Variants in DAAM2 observed in about 807,000 individuals in gnomAD.
The protein encoded by DAAM2 is dishevelled associated activator of morphogenesis 2.
A neutral mutation model predicts 120.7 loss-of-function variants in DAAM2; 39 were observed. The observed-to-expected ratio is 0.32, with a 90% CI of 0.25 to 0.42. DAAM2 has a LOEUF of 0.42. DAAM2 is among the 10% of genes least tolerant of loss of function. The pLI, the probability that DAAM2 is intolerant of heterozygous loss-of-function variation, is 1.00. For synonymous variants in DAAM2, 488 were observed against 524.9 expected (o/e 0.93, Z 0.96); for missense variants, 1,283 against 1,401.7 (o/e 0.92, Z 1.35).
intron 15 of DAAM2, chr6:39,886,221 G>C (rs897547275): frequency 2.5e-6 from 1 of 393,096 alleles, no homozygotes; most frequent in East Asian, 3.6e-5. Context: ...TGGCTTCTCC[G>C]TGAGTGCATG....
chr6:39,866,701 C>T (rs1035590471), intron 5 of DAAM2, among the ~76,000 whole-genome samples: 2 of 152,182 alleles, frequency 1.3e-5, no homozygotes, highest in East Asian at 1.9e-4. Context: ...CCTTAAATAG[C>T]AAGAGCTAGC....
At chr6:39,886,096 G>A (rs1253887710) in intron 15 of DAAM2, 1 of 280,846 alleles carries the variant, frequency 3.6e-6, no homozygotes, top group African/African-American at 2.2e-5. Context: ...CAGAGGAAAA[G>A]GAAGAACAGG....
chr6:39,901,598 TG>T lies in DAAM2; in HGVS notation c.2982+127del. ...ACTGAGGAACACCATAGGGGTTGGA[TG>T]TCAGCCCCAGGAGAGAGAAACTTCT... is the stretch of plus-strand genomic sequence containing the variant. On this transcript the variant is annotated intron_variant, in intron 24 of 24. Coordinates refer to ENST00000274867, the MANE Select transcript of DAAM2 (RefSeq NM_001201427.2). This position sits in a 1 kb window ranked among gnomAD's most constrained non-coding sequence, Gnocchi z 4.5. 1 of 1,143,826 alleles carries T rather than the reference TG, an allele frequency of 8.7e-7. No homozygotes were observed. Among genetic ancestry groups the T allele is most frequent in the Non-Finnish European group, 1.2e-6 (1 of 826,920 alleles). 70.9% of individuals were successfully genotyped at this position (1,143,826 alleles called of 1,614,324 possible).
chr6:39,881,644 C>T (rs372273377), intron 14 of DAAM2, among the ~76,000 whole-genome samples: 16 of 152,012 alleles, frequency 1.1e-4, no homozygotes, highest in East Asian at 9.7e-4. Context: ...ACCTGGGGGG[C>T]GGAGGTTGTA....
At position 39,829,990 on chromosome 6, in the gene DAAM2, A is replaced by G. The variant is rs144564836; in HGVS notation, c.-56-26257A>G. 5.3e-5 allele frequency among the ~76,000 whole-genome samples: 8 copies of G among 152,074 alleles called. No homozygotes were observed. In the East Asian group the frequency reaches 1.5e-3, roughly 29 times the overall value. ...ACGCTGAGTTAGAGACCCTTCATCCATACTCTCATCATTCCCTGTACAGCT... is the reference window on the plus strand; with the variant it reads ...ACGCTGAGTTAGAGACCCTTCATCCGTACTCTCATCATTCCCTGTACAGCT... On this transcript the variant is annotated intron_variant, in intron 1 of 24. Coordinates refer to ENST00000274867, the MANE Select transcript of DAAM2 (RefSeq NM_001201427.2).
intron 2 of DAAM2, among the ~76,000 whole-genome samples, chr6:39,857,811 G>A (rs563411201): frequency 6.6e-6 from 1 of 152,190 alleles, no homozygotes; most frequent in East Asian, 1.9e-4. Context: ...GAGACTGCTG[G>A]GTGCTGGGCT....
chr6:39,894,735 C>T (rs1249583619), intron 19 of DAAM2, among the ~76,000 whole-genome samples: 1 of 152,102 alleles, frequency 6.6e-6, no homozygotes, highest in Non-Finnish European at 1.5e-5. Context: ...ATCCTCCCAT[C>T]TCAGCCTCCC....
intron 17 of DAAM2, among the ~76,000 whole-genome samples, chr6:39,889,496 A>T (rs1765570208): frequency 6.6e-6 from 1 of 152,178 alleles, no homozygotes; most frequent in Non-Finnish European, 1.5e-5. Context: ...TTGGAAGTAC[A>T]CTCTACAGCT....
intron 14 of DAAM2, among the ~76,000 whole-genome samples, chr6:39,881,522 G>T (rs1765118419): frequency 6.6e-6 from 1 of 152,018 alleles, no homozygotes. Flanking sequence ...TTTGAGACCA[G>T]CCTGGCCAAC....
intron 11 of DAAM2, 126 bp downstream of exon 11, chr6:39,875,594 C>G: frequency 8.7e-7 from 1 of 1,145,636 alleles, no homozygotes; most frequent in Non-Finnish European, 1.2e-6. Context: ...TCTTGGGCAG[C>G]ATGGTCCAAC....
chr6:39,860,849 T>C (rs1764180367), intron 2 of DAAM2, 79 bp from the exon 3 acceptor site: 8 of 1,142,966 alleles, frequency 7.0e-6, no homozygotes, highest in Non-Finnish European at 1.0e-5. Flanking sequence ...TTGGGGGAAT[T>C]GTAATTTCCT....
chr6:39,870,438 G>T lies in DAAM2; in HGVS notation c.972G>T (p.Leu324=). The change falls in exon 8 of 25, where the codon CTG becomes CTT. Residue 324 remains leucine (L), a synonymous_variant. Coordinates refer to ENST00000274867, the MANE Select transcript of DAAM2 (RefSeq NM_001201427.2). ...TCCGGCAACATGAAAATGCCATCCT[G>T]GACAAGTAAGTTCCAAGCACCCGTC... ...DKLRQHENAI[L]DKHLDFFEMV... 6.4e-7 allele frequency: 1 copy of T among 1,566,090 alleles called. No individual in the cohort carries two copies. The highest frequency in any genetic ancestry group is 2.3e-5 in the East Asian group (1 of 42,854).
At chr6:39,868,049 T>C (rs1024054409) in intron 6 of DAAM2, 2 of 571,120 alleles carry the variant, frequency 3.5e-6, no homozygotes, top group Admixed American at 3.0e-5. Context: ...TTAAGAGTTA[T>C]GAGTTTGGCT....
rs760612191 is a variant in DAAM2, at chr6:39,901,917, C to T, written c.3087C>T (p.Ala1029=). ...GAGAGTTCGATGACCTGGTGTCGGCCCTGCGCTCTGGGGAGGTCTTCGACA... is the reference window on the plus strand; with the variant it reads ...GAGAGTTCGATGACCTGGTGTCGGCTCTGCGCTCTGGGGAGGTCTTCGACA... ...EGGEFDDLVS[A]LRSGEVFDKD... is the part of the protein sequence containing the mutation. The change falls in exon 25 of 25, where the codon GCC becomes GCT. Residue 1029 remains alanine (A), a synonymous_variant. Coordinates refer to ENST00000274867, the MANE Select transcript of DAAM2 (RefSeq NM_001201427.2). The surrounding 1 kb of genome is among the most constrained non-coding windows in gnomAD (Gnocchi z 4.5). 1 of 1,610,154 alleles carries T rather than the reference C, an allele frequency of 6.2e-7. No homozygotes were observed. Among genetic ancestry groups the T allele is most frequent in the Non-Finnish European group, 8.5e-7 (1 of 1,177,066 alleles).
intron 3 of DAAM2, 75 bp from the exon 4 acceptor site, chr6:39,864,358 C>G: frequency 8.6e-7 from 1 of 1,156,496 alleles, no homozygotes; most frequent in Non-Finnish European, 1.3e-6. Context: ...TCTGCTGACA[C>G]GGAATGAAGC....
chr6:39,796,885 A>G, intron 1 of DAAM2, among the ~76,000 whole-genome samples: 1 of 152,146 alleles, frequency 6.6e-6, no homozygotes, highest in East Asian at 1.9e-4. Flanking sequence ...ATGAAATGGA[A>G]TGATATAAGG....
intron 1 of DAAM2, among the ~76,000 whole-genome samples, chr6:39,804,377 G>C (rs1260699533): frequency 2.0e-5 from 3 of 151,560 alleles, no homozygotes; most frequent in Non-Finnish European, 4.4e-5. Flanking sequence ...TTGACTGTAT[G>C]TATCAATTAT....
At chr6:39,827,159 A>G (rs1473148621) in intron 1 of DAAM2, among the ~76,000 whole-genome samples, 2 of 152,192 alleles carry the variant, frequency 1.3e-5, no homozygotes, top group Admixed American at 6.5e-5. Flanking sequence ...CTGTAGTGGG[A>G]GAGAAGAGTT....
chr6:39,813,347 CTT>C (rs1481691677), intron 1 of DAAM2, among the ~76,000 whole-genome samples: 1 of 152,156 alleles, frequency 6.6e-6, no homozygotes, highest in African/African-American at 2.4e-5. Context: ...TCTCCCTCCT[CTT>C]TGGGGCAGCT....
Sources: allele counts gnomAD v4.1 joint callset (sites outside exome capture counted in the v4.1 genomes callset), GRCh38; gene constraint gnomAD v4.1.1; non-coding constraint Gnocchi (gnomAD v3.1); transcripts MANE v1.5; gene names NCBI Gene and HGNC (gene_info 2026-07-23, HGNC 2026-07-21).